Variants in LIPA observed in about 807,000 individuals in gnomAD.
LIPA encodes lysosomal acid lipase/cholesteryl ester hydrolase.
In LIPA, 26 loss-of-function variants were observed where a neutral mutation model predicts 40.6. The ratio of observed to expected loss-of-function variants is 0.64; its 90% CI spans 0.47 to 0.89. The LOEUF is 0.89. Ranked by LOEUF, LIPA falls within the 40% of genes least tolerant of loss-of-function variation. The pLI, the probability that LIPA is intolerant of heterozygous loss-of-function variation, is 0.00. For synonymous variants in LIPA, 188 were observed against 168.4 expected (o/e 1.12, Z -0.90); for missense variants, 455 against 479.6 (o/e 0.95, Z 0.48).
intron 2 of LIPA, chr10:89,384,868 G>A: frequency 2.5e-6 from 2 of 801,908 alleles, no homozygotes; most frequent in South Asian, 3.7e-5. Context: ...TGGCTGTGTG[G>A]CCTGAGTTAT....
intron 1 of LIPA, among the ~76,000 whole-genome samples, chr10:89,323,972 T>C (rs566953683): frequency 6.6e-6 from 1 of 152,246 alleles, no homozygotes; most frequent in East Asian, 1.9e-4. Flanking sequence ...CCCAAAGCAA[T>C]CCTAAGCAAA....
intron 2 of LIPA, among the ~76,000 whole-genome samples, chr10:89,371,672 GC>G (rs1172233746): frequency 2.0e-5 from 3 of 152,258 alleles, no homozygotes; most frequent in African/African-American, 7.2e-5. Flanking sequence ...CTGATGAGAA[GC>G]CCCTGACAAT....
At chr10:89,295,139 T>C (rs1843405756) in intron 1 of LIPA, among the ~76,000 whole-genome samples, 1 of 151,464 alleles carries the variant, frequency 6.6e-6, no homozygotes, top group South Asian at 2.1e-4. Flanking sequence ...TTGAAGTTCA[T>C]GTGGAAGACC....
intron 2 of LIPA, among the ~76,000 whole-genome samples, chr10:89,373,368 G>A (rs1418215028): frequency 1.4e-5 from 2 of 147,336 alleles, no homozygotes; most frequent in Non-Finnish European, 3.0e-5. Context: ...ACTGGAACAC[G>A]TGGGAGTCAG....
chr10:89,321,749 G>A (rs960374582), intron 1 of LIPA, among the ~76,000 whole-genome samples: 5 of 152,142 alleles, frequency 3.3e-5, no homozygotes, highest in South Asian at 4.1e-4. Flanking sequence ...AAATCATGCT[G>A]CTATAAAGAC....
intron 1 of LIPA, among the ~76,000 whole-genome samples, chr10:89,319,502 A>G (rs184927320): frequency 6.6e-6 from 1 of 152,374 alleles, no homozygotes; most frequent in Admixed American, 6.5e-5. Context: ...CCCTCCCAAG[A>G]CTAAACCAGG....
chr10:89,258,275 T>A (rs1011773901), intron 1 of LIPA, among the ~76,000 whole-genome samples: 8 of 151,926 alleles, frequency 5.3e-5, no homozygotes, highest in Non-Finnish European at 1.0e-4. Context: ...CATAGAAAAA[T>A]TAACTCAAAA....
At chr10:89,217,989 G>T (rs1842649259) in intron 8 of LIPA, among the ~76,000 whole-genome samples, 1 of 151,932 alleles carries the variant, frequency 6.6e-6, no homozygotes, top group African/African-American at 2.4e-5. Context: ...ATGGCTTACA[G>T]ATAATCTCAT....
intron 1 of LIPA, chr10:89,306,271 T>C (rs752563048): frequency 6.2e-7 from 1 of 1,613,966 alleles, no homozygotes; most frequent in African/African-American, 1.3e-5. Flanking sequence ...GGGTCTACTA[T>C]CACATGGGCC....
intron 1 of LIPA, among the ~76,000 whole-genome samples, chr10:89,263,063 TA>T (rs1843219041): frequency 6.6e-6 from 1 of 152,236 alleles, no homozygotes; most frequent in South Asian, 2.1e-4. Context: ...TCTTTCTTCC[TA>T]GAACTTCTCT....
At chr10:89,229,944 A>T (rs1442979443) in intron 3 of LIPA, among the ~76,000 whole-genome samples, 1 of 152,186 alleles carries the variant, frequency 6.6e-6, no homozygotes, top group Admixed American at 6.5e-5. Context: ...GCTTTAAAAA[A>T]TAAAATTTAA....
chr10:89,313,888 G>T (rs1387939738), intron 1 of LIPA, among the ~76,000 whole-genome samples: 2 of 152,208 alleles, frequency 1.3e-5, no homozygotes, highest in Admixed American at 6.5e-5. Flanking sequence ...AGGGGAGGGG[G>T]TTGTGACGAT....
At chr10:89,316,562 G>A (rs968586334) in intron 1 of LIPA, among the ~76,000 whole-genome samples, 3 of 152,216 alleles carry the variant, frequency 2.0e-5, no homozygotes, top group Non-Finnish European at 4.4e-5. Context: ...TAAACAAAGT[G>A]GCTAGGAAGC....
intron 1 of LIPA, chr10:89,332,337 C>A (rs1843662639): frequency 1.7e-6 from 1 of 587,164 alleles, no homozygotes; most frequent in Non-Finnish European, 2.7e-6. Context: ...ATTTTATTTT[C>A]TTTTTACAGT....
At chr10:89,364,271 T>C (rs1844043288) in intron 2 of LIPA, among the ~76,000 whole-genome samples, 1 of 152,206 alleles carries the variant, frequency 6.6e-6, no homozygotes, top group Non-Finnish European at 1.5e-5. Context: ...ACCTGGCACC[T>C]GCCAGACCAA....
chr10:89,406,925 A>G (rs1304588969), intron 2 of LIPA, among the ~76,000 whole-genome samples: 2 of 151,910 alleles, frequency 1.3e-5, no homozygotes, highest in African/African-American at 4.8e-5. Flanking sequence ...TATTCATCCT[A>G]TTTTTCCTTA....
chr10:89,406,572 A>C (rs971679540), intron 2 of LIPA: 2 of 152,936 alleles, frequency 1.3e-5, no homozygotes, highest in African/African-American at 4.8e-5. Flanking sequence ...CGAGACCACA[A>C]ACCCACCAGG....
chr10:89,240,002 T>C (rs1157408251), intron 3 of LIPA, among the ~76,000 whole-genome samples: 4 of 152,180 alleles, frequency 2.6e-5, no homozygotes, highest in African/African-American at 9.7e-5. Context: ...AGCTTCACAG[T>C]TGAGCGAATT....
chr10:89,255,371 G>A (rs1204615093), upstream of LIPA, among the ~76,000 whole-genome samples: 1 of 152,180 alleles, frequency 6.6e-6, no homozygotes, highest in Non-Finnish European at 1.5e-5. Context: ...GATCTCATGA[G>A]ACCTAGTCAC....
Sources: allele counts gnomAD v4.1 joint callset (sites outside exome capture counted in the v4.1 genomes callset), GRCh38; gene constraint gnomAD v4.1.1; transcripts MANE v1.5; gene names NCBI Gene and HGNC (gene_info 2026-07-23, HGNC 2026-07-21).